The following DCC variants were observed in gnomAD, a reference collection of about 807,000 sequenced individuals.
DCC encodes netrin receptor DCC.
A neutral mutation model predicts 172.5 loss-of-function variants in DCC; 58 were observed. The ratio of observed to expected loss-of-function variants is 0.34; its 90% CI spans 0.27 to 0.42. DCC has a LOEUF of 0.42. Ranked by LOEUF, DCC falls within the 10% of genes least tolerant of loss-of-function variation. The probability of loss-of-function intolerance (pLI) is 1.00; values close to 1 mark genes in which losing one functional copy is unlikely to be tolerated. For missense variants in DCC, 1,740 were observed against 1,791.0 expected (o/e 0.97, Z 0.51); for synonymous variants, 709 against 644.5 (o/e 1.10, Z -1.52).
chr18:52,707,453 C>T (rs2036228369), intron 1 of DCC, among the ~76,000 whole-genome samples: 1 of 152,012 alleles, frequency 6.6e-6, no homozygotes, highest in Admixed American at 6.6e-5. Context: ...AGGGAGATTC[C>T]CCCAGAATTA....
chr18:53,038,516 T>C (rs2042125088), intron 5 of DCC, among the ~76,000 whole-genome samples: 1 of 151,980 alleles, frequency 6.6e-6, no homozygotes, highest in Non-Finnish European at 1.5e-5. Flanking sequence ...CCCTAACACC[T>C]ATACACTATC....
chr18:53,193,242 T>G lies in DCC; in HGVS notation c.1574-11974T>G, dbSNP rs2055392115. ...CTCCCAAGGCTTTTAAGGCCTGGCATGGACCTGCCCCCGAGAATTTTTCTC... is the reference window on the plus strand; with the variant it reads ...CTCCCAAGGCTTTTAAGGCCTGGCAGGGACCTGCCCCCGAGAATTTTTCTC... On this transcript the variant is annotated intron_variant, in intron 9 of 28. Transcript: ENST00000442544. Among the ~76,000 whole-genome samples, 4 of 152,142 alleles carry G rather than the reference T, an allele frequency of 2.6e-5. No homozygotes were observed. The South Asian group carries it at 8.3e-4, about 32-fold the overall frequency.
chr18:53,045,160 G>A (rs1858633295), intron 5 of DCC, among the ~76,000 whole-genome samples: 1 of 151,820 alleles, frequency 6.6e-6, no homozygotes. Flanking sequence ...AATATGGTAA[G>A]TACAATTATG....
Position 53,339,860 on chromosome 18 carries a change from C to A in DCC, c.2312C>A (p.Thr771Lys). 6.2e-7 allele frequency: 1 copy of A among 1,613,896 alleles called. No homozygotes were observed. Among genetic ancestry groups the A allele is most frequent in the Non-Finnish European group, 8.5e-7 (1 of 1,179,902 alleles). Residue 771 changes from threonine (T) to lysine (K), a missense_variant, in exon 15 of 29, where the codon ACA becomes AAA. Thr to Lys is a moderately conservative substitution (Grantham distance 78). Transcript: ENST00000442544. ...GGCGTTGGGAGCCCTTACGCTGAGA[C>A]AGTGCGTGTGGACAGCAAGCAGCGA... The part of the protein sequence containing the change: ...GYGVGSPYAE[T>K]VRVDSKQRYY...
At chr18:52,806,869 AC>A (rs1385926357) in intron 2 of DCC, among the ~76,000 whole-genome samples, 2 of 152,140 alleles carry the variant, frequency 1.3e-5, no homozygotes, top group Non-Finnish European at 2.9e-5. Flanking sequence ...ATGAGGGGGA[AC>A]TTTTGACCTC....
rs1005620201 is a variant in DCC at position 53,013,448 on chromosome 18, A to G, written c.986-49857A>G. Among the ~76,000 whole-genome samples the G allele has an allele frequency of 2.4e-4, 36 of 152,138 alleles. 1 individual carries two copies. Among genetic ancestry groups the G allele is most frequent in the Non-Finnish European group, 7.3e-5 (5 of 68,030 alleles). ...CCTCAGCAAACTAACACAGAAACAGAAAACCAAATGCCACATGTTCTCACT... is the reference window on the plus strand; with the variant it reads ...CCTCAGCAAACTAACACAGAAACAGGAAACCAAATGCCACATGTTCTCACT... On this transcript the variant is annotated intron_variant, in intron 5 of 28. Coordinates refer to ENST00000442544, the MANE Select transcript of DCC (RefSeq NM_005215.4).
intron 24 of DCC, among the ~76,000 whole-genome samples, chr18:53,462,670 T>G (rs1371944767): frequency 6.6e-6 from 1 of 152,108 alleles, no homozygotes; most frequent in East Asian, 1.9e-4. Flanking sequence ...TGAAAAAATT[T>G]TCTTCCATGA....
At chr18:52,902,078 G>A (rs1475720567) in intron 2 of DCC, among the ~76,000 whole-genome samples, 1 of 152,096 alleles carries the variant, frequency 6.6e-6, no homozygotes, top group Non-Finnish European at 1.5e-5. Context: ...CTTTTCAGAG[G>A]AAGTTCCATA....
intron 17 of DCC, among the ~76,000 whole-genome samples, chr18:53,392,262 C>G (rs1242126340): frequency 1.3e-5 from 2 of 151,232 alleles, no homozygotes; most frequent in Non-Finnish European, 2.9e-5. Context: ...GATTGATTTA[C>G]AAAGCGACCC....
chr18:53,513,597 C>G (rs956014592), intron 27 of DCC, among the ~76,000 whole-genome samples: 14 of 151,668 alleles, frequency 9.2e-5, no homozygotes, highest in African/African-American at 2.9e-4. Flanking sequence ...CACATAGGCT[C>G]AAAATAAAAG....
intron 8 of DCC, among the ~76,000 whole-genome samples, chr18:53,166,982 T>C (rs1044906473): frequency 6.6e-6 from 1 of 152,166 alleles, no homozygotes; most frequent in African/African-American, 2.4e-5. Context: ...TTAATTGTTA[T>C]AACATTCTGG....
intron 7 of DCC, among the ~76,000 whole-genome samples, chr18:53,152,235 T>G (rs2054653039): frequency 6.6e-6 from 1 of 152,184 alleles, no homozygotes; most frequent in Non-Finnish European, 1.5e-5. Context: ...GTTTGAGGTT[T>G]AATGTAAATT....
intron 12 of DCC, among the ~76,000 whole-genome samples, chr18:53,234,245 C>G (rs2056166634): frequency 6.6e-6 from 1 of 151,650 alleles, no homozygotes; most frequent in Non-Finnish European, 1.5e-5. Context: ...AGTGAAACTC[C>G]ATCTCAAAAT....
intron 7 of DCC, among the ~76,000 whole-genome samples, chr18:53,098,546 T>A (rs146865365): frequency 6.6e-6 from 1 of 152,206 alleles, no homozygotes; most frequent in Non-Finnish European, 1.5e-5. Flanking sequence ...ACCTAAGTTA[T>A]GCATTTTGAG....
At chr18:52,982,872 A>G (rs1378358072) in intron 5 of DCC, among the ~76,000 whole-genome samples, 1 of 152,184 alleles carries the variant, frequency 6.6e-6, no homozygotes, top group East Asian at 1.9e-4. Flanking sequence ...GCAGTTTCAG[A>G]TGCTTTCTCC....
At chr18:52,602,400 A>AATGTGTGT (rs74178675) in intron 1 of DCC, among the ~76,000 whole-genome samples, 2 of 148,626 alleles carry the variant, frequency 1.3e-5, no homozygotes, top group Admixed American at 1.3e-4. Context: ...TTAGTATCAA[A>AATGTGTGT]GTGTGTGTGT....
intron 1 of DCC, among the ~76,000 whole-genome samples, chr18:52,633,882 G>C (rs2034722739): frequency 6.6e-6 from 1 of 152,224 alleles, no homozygotes; most frequent in Admixed American, 6.5e-5. Flanking sequence ...AGAGAGATAA[G>C]AGAGTGCTGT....
intron 12 of DCC, among the ~76,000 whole-genome samples, chr18:53,289,995 G>T (rs1175175495): frequency 6.6e-6 from 1 of 152,172 alleles, no homozygotes; most frequent in Non-Finnish European, 1.5e-5. Flanking sequence ...CAAAGCAATA[G>T]AAATGAAAAA....
intron 1 of DCC, among the ~76,000 whole-genome samples, chr18:52,387,360 G>A (rs905774610): frequency 6.6e-6 from 1 of 152,108 alleles, no homozygotes; most frequent in Non-Finnish European, 1.5e-5. Flanking sequence ...TAAATTACAG[G>A]AGACCAGAGA....
Sources: gnomAD v4.1 joint callset for allele counts (sites outside exome capture counted in the v4.1 genomes callset) on GRCh38, gnomAD v4.1.1 for gene constraint, MANE v1.5 for transcripts, NCBI Gene and HGNC (gene_info 2026-07-23, HGNC 2026-07-21) for gene names.